The following TENT5D variants were observed in gnomAD, a reference collection of about 807,000 sequenced individuals.
TENT5D encodes cancer/testis antigen 112.
For missense variants in TENT5D, 191 were observed against 287.0 expected (o/e 0.67, Z 2.42); for synonymous variants, 103 against 100.6 (o/e 1.02, Z -0.15).
intron 2 of TENT5D, chrX:80,335,786 GC>G (rs1929836505): frequency 9.0e-6 from 1 of 111,396 alleles, no homozygotes; most frequent in Non-Finnish European, 1.9e-5. Context: ...GGATAGCGCG[GC>G]TGGTAAATTT....
chrX:80,369,410 T>G (rs1433347819), intron 3 of TENT5D, among the ~76,000 whole-genome samples: 2 of 111,946 alleles, frequency 1.8e-5, no homozygotes, highest in Non-Finnish European at 3.8e-5. Context: ...ATTCTGAATG[T>G]GTAAAATAAA....
At chrX:80,426,405 T>C (rs1335413453) in intron 1 of TENT5D, among the ~76,000 whole-genome samples, 1 of 112,032 alleles carries the variant, frequency 8.9e-6, no homozygotes, top group Non-Finnish European at 1.9e-5. Flanking sequence ...TAGTTTACTA[T>C]TAATGTTAAC....
Position 80,426,494 on chromosome X carries a change from CT to C in TENT5D, c.-142+5935del, listed in dbSNP as rs1473591440. 2.7e-5 allele frequency among the ~76,000 whole-genome samples: 3 copies of C among 111,112 alleles called. No individual in the cohort carries two copies. The East Asian group carries it at 8.5e-4, about 31-fold the overall frequency. On this transcript the variant is annotated intron_variant, in intron 1 of 2. Coordinates refer to ENST00000308293, the Ensembl canonical transcript of TENT5D. ...ATCATGAAGTGAGATTTTTACAAAC[CT>C]TTTATAACCCTTTACAAATTTTACT...
intron 2 of TENT5D, among the ~76,000 whole-genome samples, chrX:80,341,150 C>G (rs763029196): frequency 6.2e-5 from 7 of 112,189 alleles, no homozygotes; most frequent in Non-Finnish European, 1.3e-4. Flanking sequence ...TGACTATGCA[C>G]ATTTGCAAAA....
chrX:80,397,019 C>CG (rs1191373421), intron 3 of TENT5D, among the ~76,000 whole-genome samples: 805 of 75,388 alleles, frequency 0.011, 20 homozygotes, highest in African/African-American at 0.035. Flanking sequence ...GGCGTCTGGC[C>CG]GGGGGGGGGG....
At chrX:80,382,761 G>C (rs1396480774) in intron 3 of TENT5D, among the ~76,000 whole-genome samples, 1 of 110,887 alleles carries the variant, frequency 9.0e-6, no homozygotes, top group African/African-American at 3.3e-5. Flanking sequence ...TGCTGCACTA[G>C]CAGTGAGCAA....
intron 3 of TENT5D, among the ~76,000 whole-genome samples, chrX:80,393,471 A>T (rs1931177502): frequency 9.0e-6 from 1 of 110,719 alleles, no homozygotes; most frequent in East Asian, 2.8e-4. Context: ...GTACAATGTG[A>T]TTATATAATT....
chrX:80,351,786 T>C (rs906729311), intron 3 of TENT5D, among the ~76,000 whole-genome samples: 7 of 111,831 alleles, frequency 6.3e-5, no homozygotes, highest in African/African-American at 2.3e-4. Flanking sequence ...GTTCGTGGAT[T>C]TATCTACCTT....
intron 2 of TENT5D, among the ~76,000 whole-genome samples, chrX:80,441,198 C>T (rs754646474): frequency 4.5e-5 from 5 of 111,016 alleles, no homozygotes; most frequent in Non-Finnish European, 9.5e-5. Context: ...TGGGTCATTT[C>T]ATCATATAAT....
chrX:80,371,728 AAG>A (rs1307632536), intron 3 of TENT5D, among the ~76,000 whole-genome samples: 1 of 111,818 alleles, frequency 8.9e-6, no homozygotes, highest in African/African-American at 3.2e-5. Context: ...TTGAATTGAA[AAG>A]AGTTGGGGCC....
intron 1 of TENT5D, among the ~76,000 whole-genome samples, chrX:80,428,439 T>G (rs1932023586): frequency 1.8e-5 from 2 of 112,487 alleles, no homozygotes; most frequent in Admixed American, 9.4e-5. Flanking sequence ...CTTGCTTAGG[T>G]AACCCACTGA....
In TENT5D at chrX:80,335,900, CT is replaced by C. The variant is rs762894249; in HGVS notation, c.-207+193del. 1.7e-4 allele frequency among the ~76,000 whole-genome samples: 18 copies of C among 109,075 alleles called. No individual in the cohort carries two copies. The East Asian group carries it at 2.6e-3, about 16-fold the overall frequency. The allele number at this position is 109,075 out of a possible 115,157, so 94.7% of individuals were successfully genotyped here. A position where few individuals can be genotyped will look rare whatever the true frequency, so the allele number is the denominator to read the frequency against. The stretch of plus-strand genomic sequence containing the variant: ...TATGTGAAATATGTATTCGCACTAA[CT>C]TTTTTTTTCAATATATATATAAGAT... On this transcript the variant is annotated intron_variant, in intron 2 of 4. Transcript: ENST00000538312.
Sources: allele counts gnomAD v4.1 joint callset (sites outside exome capture counted in the v4.1 genomes callset), GRCh38; gene constraint gnomAD v4.1.1; transcripts MANE v1.5; gene names NCBI Gene and HGNC (gene_info 2026-07-23, HGNC 2026-07-21).